FER1L6: variants seen among roughly 807,000 people sequenced by gnomAD.
The protein encoded by FER1L6 is fer-1 like family member 6.
In FER1L6, 177 loss-of-function variants were observed where a neutral mutation model predicts 219.2. The ratio of observed to expected loss-of-function variants is 0.81; its 90% CI spans 0.71 to 0.91. The LOEUF (loss-of-function observed/expected upper bound fraction) is 0.91, where lower values mean the gene tolerates loss of function less well. Ranked by LOEUF, FER1L6 falls within the 40% of genes least tolerant of loss-of-function variation. The pLI, the probability that FER1L6 is intolerant of heterozygous loss-of-function variation, is 0.00. For synonymous variants in FER1L6, 768 were observed against 824.3 expected, an observed-to-expected ratio of 0.93 and a Z score of 1.17; for missense variants, 2,153 against 2,259.9, an observed-to-expected ratio of 0.95 and a Z score of 0.96.
chr8:124,022,944 G>A (rs1055554196), intron 17 of FER1L6, among the ~76,000 whole-genome samples: 1 of 151,804 alleles, frequency 6.6e-6, no homozygotes, highest in African/African-American at 2.4e-5. Context: ...ATGGAGTCTT[G>A]CTCTGTCTCC....
At position 124,002,727 on chromosome 8, in the gene FER1L6, G is replaced by A. The variant is rs574142344; in HGVS notation, c.1520-440G>A. Among the ~76,000 whole-genome samples the A allele has an allele frequency of 7.9e-4, 95 of 120,534 alleles. 1 individual carries two copies. Among genetic ancestry groups the A allele is most frequent in the African/African-American group, 3.1e-3 (93 of 29,828 alleles). 79.1% of individuals were successfully genotyped at this position (120,534 alleles called of 152,430 possible). ...CGCCCTTAATTGGGGATTTAGACAA[G>A]AAGTCTTCTCTTACAGAAGAAGCAG... On this transcript the variant is annotated intron_variant, in intron 12 of 40. Transcript: ENST00000522917.
chr8:123,926,063 A>G (rs1404926993), intron 1 of FER1L6: 4 of 152,228 alleles, frequency 2.6e-5, no homozygotes, highest in South Asian at 2.1e-4. Context: ...TAATGGCTAT[A>G]TAAATTATGG....
At chr8:123,898,971 T>C (rs1305350547) in intron 1 of FER1L6, among the ~76,000 whole-genome samples, 1 of 151,892 alleles carries the variant, frequency 6.6e-6, no homozygotes, top group Non-Finnish European at 1.5e-5. Context: ...AACATGCATG[T>C]GCAAGTATCT....
In FER1L6 at chr8:124,061,997, C is replaced by G. The variant is rs267601764; in HGVS notation, c.3293C>G (p.Pro1098Arg). Reference protein sequence around the residue: ...FLCKLREPLAPITQVDGTQPG... With the variant: ...FLCKLREPLARITQVDGTQPG... The stretch of plus-strand genomic sequence containing the variant: ...TGTAAACTCAGAGAGCCCCTTGCCC[C>G]CATCACACAGGTGGATGGAACCCAG... Residue 1098 changes from proline to arginine, a missense_variant, in exon 25 of 41, where the codon CCC becomes CGC. Pro to Arg is a moderately radical substitution (Grantham distance 103, BLOSUM62 -2). Transcript: ENST00000522917. The G allele has an allele frequency of 5.6e-6, 9 of 1,614,014 alleles. No homozygotes were observed. In the African/African-American group the frequency reaches 1.2e-4, roughly 22 times the overall value.
intron 1 of FER1L6, among the ~76,000 whole-genome samples, chr8:123,946,063 A>G (rs1291747652): frequency 6.6e-6 from 1 of 152,190 alleles, no homozygotes; most frequent in Non-Finnish European, 1.5e-5. Context: ...AGGTTTAGAG[A>G]GGAAGCGTTG....
chr8:123,931,318 A>C (rs1813753367), intron 1 of FER1L6, among the ~76,000 whole-genome samples: 2 of 152,202 alleles, frequency 1.3e-5, no homozygotes, highest in African/African-American at 2.4e-5. Context: ...GAAGACTGGA[A>C]GAATCAGCTC....
chr8:123,965,769 G>A (rs1815508048), intron 3 of FER1L6, among the ~76,000 whole-genome samples: 2 of 152,040 alleles, frequency 1.3e-5, no homozygotes, highest in South Asian at 4.2e-4. Context: ...ACCTTTATAT[G>A]CACTATATCA....
chr8:124,044,617 G>A (rs770501690), intron 20 of FER1L6, among the ~76,000 whole-genome samples: 1 of 152,140 alleles, frequency 6.6e-6, no homozygotes, highest in Non-Finnish European at 1.5e-5. Flanking sequence ...AACTTCCCCT[G>A]GACCCAGCAG....
intron 1 of FER1L6, among the ~76,000 whole-genome samples, chr8:123,893,637 T>G (rs1812689396): frequency 6.6e-6 from 1 of 152,224 alleles, no homozygotes; most frequent in Non-Finnish European, 1.5e-5. Flanking sequence ...ACCAAGAACC[T>G]GTTTTCTTTT....
At chr8:124,095,061 C>A (rs749098199) in intron 35 of FER1L6, 23 bp downstream of exon 35, 5 of 1,613,452 alleles carry the variant, frequency 3.1e-6, no homozygotes, top group Non-Finnish European at 4.2e-6. Context: ...ACTATTCTGG[C>A]CCTAAAAGTT....
At chr8:124,089,507 C>CAATT (rs1410693782) in intron 33 of FER1L6, among the ~76,000 whole-genome samples, 2 of 152,186 alleles carry the variant, frequency 1.3e-5, no homozygotes, top group African/African-American at 4.8e-5. Flanking sequence ...TGTATAATTT[C>CAATT]AATTTGGTGT....
At chr8:123,866,758 C>G (rs1816844480) in intron 1 of FER1L6, among the ~76,000 whole-genome samples, 1 of 152,092 alleles carries the variant, frequency 6.6e-6, no homozygotes, top group African/African-American at 2.4e-5. Flanking sequence ...GTGAGGACCA[C>G]AGGTGCCTGT....
At chr8:124,087,627 G>A (rs556359580) in intron 33 of FER1L6, among the ~76,000 whole-genome samples, 1 of 152,140 alleles carries the variant, frequency 6.6e-6, no homozygotes, top group African/African-American at 2.4e-5. Context: ...TGGCCCTGAT[G>A]CTTGTGGATG....
intron 1 of FER1L6, among the ~76,000 whole-genome samples, chr8:123,921,879 G>C (rs904499167): frequency 1.3e-5 from 2 of 152,170 alleles, no homozygotes; most frequent in Non-Finnish European, 2.9e-5. Flanking sequence ...TGTTTGTCAA[G>C]CCGCTTGTAA....
At chr8:123,907,862 G>C (rs574174426) in intron 1 of FER1L6, among the ~76,000 whole-genome samples, 1 of 151,802 alleles carries the variant, frequency 6.6e-6, no homozygotes, top group African/African-American at 2.4e-5. Context: ...ATGTCAGAGG[G>C]GCAGTAAACT....
intron 21 of FER1L6, among the ~76,000 whole-genome samples, chr8:124,049,091 AG>A (rs1819872650): frequency 6.6e-6 from 1 of 150,952 alleles, no homozygotes; most frequent in African/African-American, 2.4e-5. Context: ...CTCTGTCACC[AG>A]GCTGGAGTGC....
intron 18 of FER1L6, among the ~76,000 whole-genome samples, chr8:124,027,608 G>A (rs1362364794): frequency 6.6e-6 from 1 of 152,144 alleles, no homozygotes; most frequent in African/African-American, 2.4e-5. Flanking sequence ...TGCCAAGTCT[G>A]GAGTGCAGTG....
intron 37 of FER1L6, 47 bp downstream of exon 37, chr8:124,097,930 C>T: frequency 3.1e-6 from 3 of 977,556 alleles, no homozygotes; most frequent in East Asian, 2.4e-5. Flanking sequence ...TCCCTCCTCA[C>T]CTTTTTAAAC....
intron 1 of FER1L6, among the ~76,000 whole-genome samples, chr8:123,944,920 A>C (rs1323592173): frequency 2.0e-5 from 3 of 152,186 alleles, no homozygotes; most frequent in Admixed American, 2.0e-4. Flanking sequence ...TGTGACACAT[A>C]TCTCTCTATA....
Sources: allele counts gnomAD v4.1 joint callset (sites outside exome capture counted in the v4.1 genomes callset), GRCh38; gene constraint gnomAD v4.1.1; transcripts MANE v1.5; gene names NCBI Gene and HGNC (gene_info 2026-07-23, HGNC 2026-07-21).